The following MON2 variants were observed in gnomAD, a reference collection of about 807,000 sequenced individuals.
The protein encoded by MON2 is MON2 regulator of endosome-to-Golgi trafficking, also known as protein MON2 homolog.
MON2 carries 84 observed loss-of-function variants against 208.6 expected under a neutral mutation model. That is an observed-to-expected ratio of 0.40 (90% CI 0.34 to 0.48). The LOEUF is 0.48. Among genes scored for constraint, MON2 ranks in the 20% least tolerant of loss-of-function variants. The pLI, the probability that MON2 is intolerant of heterozygous loss-of-function variation, is 0.59. For missense variants in MON2, 1,611 were observed against 2,015.4 expected (o/e 0.80, Z 3.84); for synonymous variants, 660 against 694.0 (o/e 0.95, Z 0.77).
At chr12:62,473,831 A>G (rs998528546) in intron 1 of MON2, among the ~76,000 whole-genome samples, 3 of 151,984 alleles carry the variant, frequency 2.0e-5, no homozygotes, top group Non-Finnish European at 2.9e-5. Flanking sequence ...TCAGCCTCCC[A>G]AAGTGCTGGG....
intron 8 of MON2, among the ~76,000 whole-genome samples, chr12:62,509,441 TA>T (rs1239889830): frequency 6.6e-6 from 1 of 152,146 alleles, no homozygotes; most frequent in East Asian, 1.9e-4. Flanking sequence ...GACAATATAA[TA>T]ATAGTAGAAG....
At chr12:62,552,758 A>G (rs2073807340) in intron 23 of MON2, 123 bp from the exon 24 acceptor site, 1 of 683,368 alleles carries the variant, frequency 1.5e-6, no homozygotes, top group East Asian at 2.7e-5. Context: ...CTACTAGGAA[A>G]GAGATTTTTG....
chr12:62,523,539 G>A (rs911879343), intron 8 of MON2, among the ~76,000 whole-genome samples: 1 of 152,044 alleles, frequency 6.6e-6, no homozygotes, highest in Non-Finnish European at 1.5e-5. Context: ...CTCCTACTGT[G>A]TCATTATGAT....
At chr12:62,480,697 A>G (rs961391367) in intron 1 of MON2, among the ~76,000 whole-genome samples, 20 of 152,388 alleles carry the variant, frequency 1.3e-4, no homozygotes, top group African/African-American at 3.8e-4. Flanking sequence ...CGAATTTGAA[A>G]TCATTTACTG....
chr12:62,569,977 A>T (rs2074528079), intron 29 of MON2, among the ~76,000 whole-genome samples: 1 of 152,142 alleles, frequency 6.6e-6, no homozygotes. Flanking sequence ...TTAGACCCAA[A>T]TTTTTACGTA....
chr12:62,598,595 G>A lies in MON2; in HGVS notation c.*5846G>A, dbSNP rs1434181103. The A allele has an allele frequency of 6.6e-6, 1 of 152,132 alleles. No individual in the cohort carries two copies. Among genetic ancestry groups the A allele is most frequent in the Non-Finnish European group, 1.5e-5 (1 of 68,014 alleles). 9.4% of individuals were successfully genotyped at this position (152,132 alleles called of 1,614,324 possible). ...CATACAACTCCTGTCTCTTAAGGCA[G>A]CTACCATATGGTGTTTATGTCAGAC... is the stretch of plus-strand genomic sequence containing the variant. On this transcript the variant is annotated 3_prime_UTR_variant, in exon 35 of 35. Transcript: ENST00000393630.
chr12:62,537,448 T>C (rs767160340), intron 15 of MON2, among the ~76,000 whole-genome samples, 154 bp from the exon 16 acceptor site: 13 of 152,252 alleles, frequency 8.5e-5, no homozygotes, highest in Non-Finnish European at 1.5e-4. Flanking sequence ...AATACAACTT[T>C]TAATCAAATG....
At chr12:62,555,826 AG>A (rs1449907071) in intron 24 of MON2, among the ~76,000 whole-genome samples, 167 bp from the exon 25 acceptor site, 1 of 147,076 alleles carries the variant, frequency 6.8e-6, no homozygotes, top group East Asian at 2.0e-4. Flanking sequence ...AAAAAAAAAA[AG>A]AATGTATAAT....
chr12:62,486,009 G>A lies in MON2; in HGVS notation c.175+1776G>A, dbSNP rs141792927. On this transcript the variant is annotated intron_variant, in intron 2 of 34. Transcript: ENST00000393630. ...GAGCCACTGCGCCCGGCCAGCATGT[G>A]GGTTTTAATGGGAGATGTACATTAG... 2.6e-3 allele frequency among the ~76,000 whole-genome samples: 393 copies of A among 152,218 alleles called. 2 individuals are homozygous for A. Among genetic ancestry groups the A allele is most frequent in the African/African-American group, 8.9e-3 (369 of 41,526 alleles).
At chr12:62,525,491 C>T (rs187481299) in intron 10 of MON2, among the ~76,000 whole-genome samples, 1 of 152,106 alleles carries the variant, frequency 6.6e-6, no homozygotes, top group Non-Finnish European at 1.5e-5. Context: ...TTTAAAAGAA[C>T]CTTTATTTGA....
At chr12:62,472,136 A>C (rs975834695) in intron 1 of MON2, among the ~76,000 whole-genome samples, 2 of 152,204 alleles carry the variant, frequency 1.3e-5, no homozygotes, top group Admixed American at 1.3e-4. Context: ...TGTGAGAGCT[A>C]GGTTGGATTC....
chr12:62,549,770 A>G lies in MON2; in HGVS notation c.2856A>G (p.Ala952=). ...GCCTGCAAATAGTTGTAGATGTTGC[A>G]GGTAGCTTTGGCCTCCATAACCAAG... is the stretch of plus-strand genomic sequence containing the variant. ...CTCLQIVVDV[A]GSFGLHNQEL... The change falls in exon 23 of 35, where the codon GCA becomes GCG. Residue 952 remains alanine, a synonymous_variant. Transcript: ENST00000393630. 1.9e-6 allele frequency: 3 copies of G among 1,613,038 alleles called. No homozygotes were observed.
intron 29 of MON2, among the ~76,000 whole-genome samples, chr12:62,570,969 A>C (rs917141717): frequency 1.3e-5 from 2 of 151,896 alleles, no homozygotes; most frequent in Admixed American, 1.3e-4. Context: ...TGACCTCGTG[A>C]TCCACCCACC....
At chr12:62,561,614 A>G (rs2074200365) in intron 26 of MON2, among the ~76,000 whole-genome samples, 1 of 152,180 alleles carries the variant, frequency 6.6e-6, no homozygotes, top group Non-Finnish European at 1.5e-5. Context: ...CAAAAAAAAT[A>G]CTATTCAGAT....
At chr12:62,555,488 T>G (rs1362301432) in intron 24 of MON2, among the ~76,000 whole-genome samples, 1 of 152,110 alleles carries the variant, frequency 6.6e-6, no homozygotes, top group East Asian at 1.9e-4. Flanking sequence ...CCAACCTTAT[T>G]TTTTTATATT....
intron 21 of MON2, among the ~76,000 whole-genome samples, chr12:62,546,341 A>T (rs2073481746): frequency 6.6e-6 from 1 of 152,194 alleles, no homozygotes; most frequent in Admixed American, 6.5e-5. Context: ...TTAAAGTAAG[A>T]TAACTACCCA....
At chr12:62,501,728 G>C in intron 7 of MON2, 30 bp downstream of exon 7, 2 of 1,610,456 alleles carry the variant, frequency 1.2e-6, no homozygotes, top group South Asian at 1.1e-5. Context: ...TTGTGACAAA[G>C]TTAATCTGAA....
At chr12:62,558,903 G>C (rs1302637075) in intron 25 of MON2, among the ~76,000 whole-genome samples, 2 of 151,980 alleles carry the variant, frequency 1.3e-5, no homozygotes, top group African/African-American at 4.8e-5. Flanking sequence ...TCATCATGTT[G>C]GCCAGGCTGG....
Position 62,542,974 on chromosome 12 carries a change from C to T in MON2, c.2365-123C>T, listed in dbSNP as rs732372. 3,455 of 527,596 alleles carry T rather than the reference C, an allele frequency of 6.5e-3. 108 individuals carry two copies. Among genetic ancestry groups the T allele is most frequent in the African/African-American group, 0.062 (3,090 of 49,606 alleles). The allele number at this position is 527,596 out of a possible 1,614,324, so 32.7% of individuals were successfully genotyped here. On this transcript the variant is annotated intron_variant, in intron 19 of 34. Transcript: ENST00000393630. ...AACTGAGGTTTTGTTATAAATATAACTTTATACTAACCACTCAATTTTAAT... is the reference window on the plus strand; with the variant it reads ...AACTGAGGTTTTGTTATAAATATAATTTTATACTAACCACTCAATTTTAAT...
Sources: gnomAD v4.1 joint callset for allele counts (sites outside exome capture counted in the v4.1 genomes callset) on GRCh38, gnomAD v4.1.1 for gene constraint, MANE v1.5 for transcripts, NCBI Gene and HGNC (gene_info 2026-07-23, HGNC 2026-07-21) for gene names.